CEP128: variants seen among roughly 807,000 people sequenced by gnomAD.
CEP128 encodes centrosomal protein 128kDa.
In CEP128, 132 loss-of-function variants were observed where a neutral mutation model predicts 156.7. That is an observed-to-expected ratio of 0.84 (90% CI 0.73 to 0.97). CEP128 has a LOEUF of 0.97. Ranked by LOEUF, CEP128 falls within the 50% of genes least tolerant of loss-of-function variation. The pLI is 0.00. For synonymous variants in CEP128, 469 were observed against 448.9 expected (o/e 1.04, Z -0.57); for missense variants, 1,252 against 1,281.9 (o/e 0.98, Z 0.36).
At chr14:80,594,224 G>C (rs774422851) in intron 19 of CEP128, among the ~76,000 whole-genome samples, 3 of 152,152 alleles carry the variant, frequency 2.0e-5, no homozygotes, top group Non-Finnish European at 4.4e-5. Context: ...AATGGGGAAA[G>C]GATTCCCTAT....
intron 13 of CEP128, among the ~76,000 whole-genome samples, chr14:80,826,646 TAAA>T (rs899938238): frequency 6.6e-6 from 1 of 151,720 alleles, no homozygotes; most frequent in Non-Finnish European, 1.5e-5. Context: ...CATCCTCTTT[TAAA>T]AAAAAATTAA....
At chr14:80,860,109 G>A (rs1040646173) in intron 9 of CEP128, among the ~76,000 whole-genome samples, 2 of 152,082 alleles carry the variant, frequency 1.3e-5, no homozygotes, top group Admixed American at 6.6e-5. Flanking sequence ...ATTTCCATAA[G>A]TATTTTTAAT....
intron 16 of CEP128, among the ~76,000 whole-genome samples, chr14:80,769,877 C>T (rs561677108): frequency 1.3e-5 from 2 of 152,108 alleles, no homozygotes; most frequent in African/African-American, 4.8e-5. Context: ...TTTATGTTTC[C>T]TTTTAGGGTC....
intron 21 of CEP128, among the ~76,000 whole-genome samples, chr14:80,549,899 C>T (rs1890141893): frequency 6.6e-6 from 1 of 152,140 alleles, no homozygotes; most frequent in African/African-American, 2.4e-5. Context: ...ATTGTCTACT[C>T]CAACACAGAC....
At chr14:80,786,768 G>A (rs915249324) in intron 14 of CEP128, among the ~76,000 whole-genome samples, 1 of 152,186 alleles carries the variant, frequency 6.6e-6, no homozygotes, top group Non-Finnish European at 1.5e-5. Flanking sequence ...TTAAGTTCGA[G>A]GAGGTATTAG....
At chr14:80,632,108 CAATAGCAAGCATATTCCAT>C (rs1481963061) in intron 19 of CEP128, among the ~76,000 whole-genome samples, 2 of 151,984 alleles carry the variant, frequency 1.3e-5, no homozygotes, top group Non-Finnish European at 2.9e-5. Context: ...ACCTGAAAAG[CAATAGCAAGCATATTCCAT>C]AATAATTAAC....
chr14:80,540,207 C>CT (rs1889689748), intron 21 of CEP128, among the ~76,000 whole-genome samples: 1 of 143,946 alleles, frequency 6.9e-6, no homozygotes. Context: ...ACCCCCCCCC[C>CT]TTTTGAAACC....
chr14:80,845,205 A>C (rs1595488681), intron 9 of CEP128, among the ~76,000 whole-genome samples: 2 of 152,310 alleles, frequency 1.3e-5, no homozygotes, highest in South Asian at 4.1e-4. Flanking sequence ...TACTTCATGA[A>C]AAAGCCAGTA....
At chr14:80,734,099 T>C (rs1168351523) in intron 19 of CEP128, among the ~76,000 whole-genome samples, 1 of 152,174 alleles carries the variant, frequency 6.6e-6, no homozygotes, top group African/African-American at 2.4e-5. Flanking sequence ...CATCACTTTC[T>C]AAGGAAACCC....
At chr14:80,826,770 T>C (rs1885504290) in intron 13 of CEP128, among the ~76,000 whole-genome samples, 2 of 152,172 alleles carry the variant, frequency 1.3e-5, no homozygotes, top group South Asian at 2.1e-4. Flanking sequence ...TGTTTTTTCC[T>C]TTCTTTGAAG....
intron 8 of CEP128, among the ~76,000 whole-genome samples, chr14:80,867,436 A>G (rs1449869320): frequency 6.6e-6 from 1 of 152,222 alleles, no homozygotes; most frequent in Non-Finnish European, 1.5e-5. Context: ...GAAACCATAG[A>G]GAGCAAAACT....
At chr14:80,919,233 G>C (rs1287599760) in intron 2 of CEP128, among the ~76,000 whole-genome samples, 3 of 152,076 alleles carry the variant, frequency 2.0e-5, no homozygotes, top group Non-Finnish European at 2.9e-5. Context: ...AACTTCACCA[G>C]ATATAAATGG....
intron 8 of CEP128, among the ~76,000 whole-genome samples, chr14:80,891,109 T>C (rs1164268614): frequency 1.3e-5 from 2 of 152,140 alleles, no homozygotes; most frequent in African/African-American, 4.8e-5. Context: ...GATGGGAATG[T>C]AAATTAGTGT....
chr14:80,617,462 C>G (rs1179726592), intron 19 of CEP128, among the ~76,000 whole-genome samples: 1 of 151,976 alleles, frequency 6.6e-6, no homozygotes, highest in East Asian at 1.9e-4. Flanking sequence ...GTCTCGATCT[C>G]CTGACCTCAT....
intron 13 of CEP128, among the ~76,000 whole-genome samples, chr14:80,813,745 T>C (rs1884692265): frequency 6.6e-6 from 1 of 152,184 alleles, no homozygotes; most frequent in South Asian, 2.1e-4. Context: ...AATTCTAGTT[T>C]TATAAATAAT....
intron 21 of CEP128, among the ~76,000 whole-genome samples, chr14:80,548,476 T>C (rs1309149771): frequency 6.6e-6 from 1 of 152,128 alleles, no homozygotes; most frequent in Non-Finnish European, 1.5e-5. Context: ...TAAGTTAGGA[T>C]CTTAAAAAGA....
chr14:80,808,471 T>C (rs937203978), intron 13 of CEP128, among the ~76,000 whole-genome samples: 2 of 152,034 alleles, frequency 1.3e-5, no homozygotes, highest in African/African-American at 4.8e-5. Context: ...CAGAGGGTCA[T>C]CTCACCACTG....
rs139670361 is a variant in CEP128, at chr14:80,955,860, C to T, written c.-172+2318G>A. ...CCAGTACGCAGACTCTGTGAGTACC[C>T]GGGAGAGATCAGGGTAGGACCCAGA... On this transcript the variant is annotated intron_variant, in intron 2 of 7. Coordinates refer to the CEP128 transcript ENST00000555529. 1.1e-5 allele frequency: 17 copies of T among 1,614,044 alleles called. No homozygotes were observed. Among genetic ancestry groups the T allele is most frequent in the Admixed American group, 1.7e-5 (1 of 60,020 alleles).
chr14:80,870,465 T>C (rs141461052), intron 8 of CEP128, among the ~76,000 whole-genome samples: 37 of 152,178 alleles, frequency 2.4e-4, no homozygotes, highest in African/African-American at 7.5e-4. Flanking sequence ...TAACATACCA[T>C]ATTAACAGAA....
Sources: allele counts gnomAD v4.1 joint callset (sites outside exome capture counted in the v4.1 genomes callset), GRCh38; gene constraint gnomAD v4.1.1; transcripts MANE v1.5; gene names NCBI Gene and HGNC (gene_info 2026-07-23, HGNC 2026-07-21).